Variants in TIAM2 observed in about 807,000 individuals in gnomAD.
The protein encoded by TIAM2 is TIAM Rac1 associated GEF 2, also known as rho guanine nucleotide exchange factor TIAM2.
Under a neutral mutation model 152.9 loss-of-function variants are expected in TIAM2, and 80 were observed. The observed-to-expected ratio is 0.52, with a 90% CI of 0.44 to 0.63. TIAM2 has a LOEUF of 0.63. TIAM2 is among the 30% of genes least tolerant of loss of function. The pLI, the probability that TIAM2 is intolerant of heterozygous loss-of-function variation, is 0.00. For missense variants in TIAM2, 1,965 were observed against 2,120.1 expected, an observed-to-expected ratio of 0.93 and a Z score of 1.44; for synonymous variants, 804 against 838.0, an observed-to-expected ratio of 0.96 and a Z score of 0.70.
At chr6:155,103,777 A>G (rs899000493) in intron 2 of TIAM2, among the ~76,000 whole-genome samples, 9 of 147,846 alleles carry the variant, frequency 6.1e-5, no homozygotes, top group Non-Finnish European at 4.5e-5. Flanking sequence ...AAATATTTCC[A>G]TGCAATTAAT....
At chr6:155,158,777 G>GT (rs10643930) in intron 7 of TIAM2, among the ~76,000 whole-genome samples, 11,964 of 145,804 alleles carry the variant, frequency 0.082, 638 homozygotes, top group African/African-American at 0.16. Context: ...GGCTGCAAGT[G>GT]TTTTTTTTTT....
chr6:155,178,814 A>T (rs1382718298), intron 10 of TIAM2, among the ~76,000 whole-genome samples: 1 of 152,108 alleles, frequency 6.6e-6, no homozygotes, highest in East Asian at 1.9e-4. Context: ...ACCTCAAGTG[A>T]TCCACCCGCC....
chr6:155,129,102 T>C lies in TIAM2; in HGVS notation c.-6-116T>C, dbSNP rs555990380. On this transcript the variant is annotated intron_variant, in intron 3 of 26. Transcript: ENST00000682666. This position sits in a 1 kb window ranked among gnomAD's most constrained non-coding sequence, Gnocchi z 4.8. ...TGACTCTTGTCCCTACTCCTCTGAG[T>C]CCTTCCAGGCACTGAAGTTGCTGTG... 5.9e-5 allele frequency: 55 copies of C among 925,352 alleles called. No individual in the cohort carries two copies. The highest frequency in any genetic ancestry group is 8.3e-5 in the Non-Finnish European group (52 of 622,892). 57.3% of individuals were successfully genotyped at this position (925,352 alleles called of 1,614,324 possible).
intron 2 of TIAM2, among the ~76,000 whole-genome samples, chr6:155,119,356 T>A (rs184451096): frequency 1.3e-5 from 2 of 151,874 alleles, no homozygotes; most frequent in Admixed American, 1.3e-4. Flanking sequence ...TTTCTTTTTT[T>A]TTTGAGTGAG....
intron 13 of TIAM2, 54 bp from the exon 14 acceptor site, chr6:155,183,183 A>G: frequency 6.4e-7 from 1 of 1,573,218 alleles, no homozygotes; most frequent in Non-Finnish European, 8.6e-7. Flanking sequence ...ATCTGAAAAT[A>G]TTTCTCACAG....
chr6:155,223,601 G>A (rs776971582), intron 15 of TIAM2, among the ~76,000 whole-genome samples: 21 of 148,512 alleles, frequency 1.4e-4, no homozygotes, highest in Admixed American at 2.7e-4. Context: ...GCAGCATTAC[G>A]TGCTGGGATG....
chr6:155,230,004 G>A (rs1782394381), intron 15 of TIAM2, among the ~76,000 whole-genome samples: 1 of 151,982 alleles, frequency 6.6e-6, no homozygotes. Flanking sequence ...TGACACATGG[G>A]AATCATTACA....
chr6:155,188,989 C>T (rs1347069603), intron 14 of TIAM2, among the ~76,000 whole-genome samples: 3 of 152,132 alleles, frequency 2.0e-5, no homozygotes, highest in Non-Finnish European at 4.4e-5. Flanking sequence ...CTCCACGCCC[C>T]CTTTGAATCA....
At chr6:155,250,335 G>T (rs1783576084) in intron 21 of TIAM2, among the ~76,000 whole-genome samples, 1 of 144,104 alleles carries the variant, frequency 6.9e-6, no homozygotes, top group African/African-American at 2.6e-5. Context: ...GTGGTTACCT[G>T]CTTACTTATA....
chr6:155,070,528 T>C (rs1777817375), intron 1 of TIAM2, among the ~76,000 whole-genome samples: 1 of 152,152 alleles, frequency 6.6e-6, no homozygotes, highest in South Asian at 2.1e-4. Flanking sequence ...AGACATTTCT[T>C]TTTGAAGCTG....
intron 1 of TIAM2, among the ~76,000 whole-genome samples, chr6:155,054,561 T>C (rs1194325908): frequency 7.2e-6 from 1 of 137,998 alleles, no homozygotes; most frequent in African/African-American, 2.9e-5. Context: ...TCTGTAGAAG[T>C]ACAGAGTTTT....
intron 1 of TIAM2, among the ~76,000 whole-genome samples, chr6:155,048,889 C>T (rs1281643163): frequency 2.0e-5 from 3 of 151,840 alleles, no homozygotes; most frequent in Admixed American, 6.6e-5. Flanking sequence ...CAACCTTTGC[C>T]TCCTGGGTTC....
intron 2 of TIAM2, among the ~76,000 whole-genome samples, chr6:155,093,141 T>G (rs1453481632): frequency 6.6e-6 from 1 of 152,262 alleles, no homozygotes; most frequent in Non-Finnish European, 1.5e-5. Flanking sequence ...GTGCTTGTTT[T>G]GTGGCCTTCA....
intron 2 of TIAM2, among the ~76,000 whole-genome samples, chr6:155,090,930 G>T (rs1480443128): frequency 5.9e-5 from 9 of 152,062 alleles, no homozygotes; most frequent in Admixed American, 2.6e-4. Context: ...TGTTGGTGTC[G>T]CAGGTTAAGT....
intron 15 of TIAM2, among the ~76,000 whole-genome samples, chr6:155,234,992 AGCACAGCTAGAGATG>A (rs1782677812): frequency 3.4e-5 from 4 of 117,900 alleles, no homozygotes; most frequent in Non-Finnish European, 8.7e-5. Flanking sequence ...CTAGAGACGG[AGCACAGCTAGAGATG>A]GAGCACAGCT....
chr6:155,233,986 TGA>T (rs1272408915), intron 15 of TIAM2, among the ~76,000 whole-genome samples: 93 of 121,038 alleles, frequency 7.7e-4, no homozygotes, highest in African/African-American at 2.8e-3. Flanking sequence ...AAAAACAATT[TGA>T]GAGAAAATTT....
At chr6:155,057,017 C>CTTTTT (rs71023612) in intron 1 of TIAM2, among the ~76,000 whole-genome samples, 2,293 of 44,016 alleles carry the variant, frequency 0.052, 127 homozygotes, top group Non-Finnish European at 0.073. Flanking sequence ...AGTTTTCTTT[C>CTTTTT]TTTTTTTTTT....
chr6:155,252,677 A>G (rs577080395), intron 23 of TIAM2, among the ~76,000 whole-genome samples: 1 of 152,312 alleles, frequency 6.6e-6, no homozygotes, highest in East Asian at 1.9e-4. Flanking sequence ...TACCATTCAG[A>G]GGCAGCGTCA....
intron 9 of TIAM2, among the ~76,000 whole-genome samples, chr6:155,171,405 A>T (rs1462467348): frequency 6.6e-6 from 1 of 152,258 alleles, no homozygotes; most frequent in African/African-American, 2.4e-5. Flanking sequence ...TAAGGCTCAG[A>T]TGGCGGCAAC....
Sources: gnomAD v4.1 joint callset for allele counts (sites outside exome capture counted in the v4.1 genomes callset) on GRCh38, gnomAD v4.1.1 for gene constraint, Gnocchi (gnomAD v3.1) non-coding constraint, MANE v1.5 for transcripts, NCBI Gene and HGNC (gene_info 2026-07-23, HGNC 2026-07-21) for gene names.